Variants in TNFSF8 observed in about 807,000 individuals in gnomAD.
TNFSF8 encodes tumor necrosis factor ligand superfamily member 8.
TNFSF8 carries 4 observed loss-of-function variants against 22.0 expected under a neutral mutation model. The ratio of observed to expected loss-of-function variants is 0.18; its 90% confidence interval spans 0.09 to 0.42. The LOEUF is 0.42. Among genes scored for constraint, TNFSF8 ranks in the 10% least tolerant of loss-of-function variants. The pLI, the probability that TNFSF8 is intolerant of heterozygous loss-of-function variation, is 1.00. For missense variants in TNFSF8, 233 were observed against 281.8 expected (o/e 0.83, Z 1.24); for synonymous variants, 106 against 112.5 (o/e 0.94, Z 0.37).
At chr9:114,913,275 G>C (rs1014132417) in intron 2 of TNFSF8, among the ~76,000 whole-genome samples, 1 of 152,188 alleles carries the variant, frequency 6.6e-6, no homozygotes. Flanking sequence ...GGTGTTGGAG[G>C]CTACATTACA....
intron 2 of TNFSF8, among the ~76,000 whole-genome samples, chr9:114,910,282 G>A (rs927466428): frequency 2.6e-5 from 4 of 152,128 alleles, no homozygotes; most frequent in Admixed American, 6.5e-5. Flanking sequence ...TATTCTAGAA[G>A]GTCAAGATTA....
At chr9:114,918,752 C>G (rs1827950476) in intron 1 of TNFSF8, among the ~76,000 whole-genome samples, 2 of 152,212 alleles carry the variant, frequency 1.3e-5, no homozygotes, top group South Asian at 2.1e-4. Flanking sequence ...AGGCACCCAC[C>G]ACCACACCCA....
chr9:114,911,965 A>C (rs1247539056), intron 2 of TNFSF8, among the ~76,000 whole-genome samples: 2 of 152,340 alleles, frequency 1.3e-5, no homozygotes, highest in African/African-American at 4.8e-5. Context: ...TTTTGCTAAC[A>C]TTCTAATAAC....
At chr9:114,906,904 C>A (rs1827791733) in intron 2 of TNFSF8, among the ~76,000 whole-genome samples, 1 of 152,194 alleles carries the variant, frequency 6.6e-6, no homozygotes, top group Non-Finnish European at 1.5e-5. Flanking sequence ...ACTGGACAAT[C>A]TTTGACCTGA....
At chr9:114,895,999 A>G (rs1827651844) in intron 4 of TNFSF8, among the ~76,000 whole-genome samples, 1 of 152,256 alleles carries the variant, frequency 6.6e-6, no homozygotes, top group Non-Finnish European at 1.5e-5. Context: ...AATGAATACC[A>G]TCACGTTGAC....
intron 1 of TNFSF8, among the ~76,000 whole-genome samples, chr9:114,918,442 C>A (rs369379185): frequency 6.8e-6 from 1 of 146,976 alleles, no homozygotes; most frequent in African/African-American, 2.5e-5. Flanking sequence ...GATCAGGGAC[C>A]AGAGCTGGGA....
chr9:114,902,689 G>A lies in TNFSF8; in HGVS notation c.*1242C>T. On this transcript the variant is annotated 3_prime_UTR_variant, in exon 4 of 4. Coordinates refer to ENST00000223795, the MANE Select transcript of TNFSF8 (RefSeq NM_001244.4). ...TTCAATTATATACTGGGGTAGGGGG[G>A]CCTTATTTTGGTTGGAGAGCTTCCA... 1.0e-6 allele frequency: 1 copy of A among 985,392 alleles called. No individual in the cohort carries two copies. Among genetic ancestry groups the A allele is most frequent in the Non-Finnish European group, 1.2e-6 (1 of 829,926 alleles). The allele number at this position is 985,392 out of a possible 1,614,324, so 61.0% of individuals were successfully genotyped here. A position where few individuals can be genotyped will look rare whatever the true frequency, so the allele number is the denominator to read the frequency against.
chr9:114,907,977 T>TG (rs746213270), intron 2 of TNFSF8, among the ~76,000 whole-genome samples: 5 of 152,194 alleles, frequency 3.3e-5, no homozygotes, highest in Non-Finnish European at 5.9e-5. Flanking sequence ...TCCGGGAGTT[T>TG]GGGGCTTTGC....
intron 2 of TNFSF8, among the ~76,000 whole-genome samples, chr9:114,912,297 A>T (rs1424631289): frequency 1.3e-5 from 2 of 152,320 alleles, no homozygotes; most frequent in Admixed American, 1.3e-4. Flanking sequence ...GCCCTAGTCC[A>T]TGGTTTGTGC....
intron 2 of TNFSF8, among the ~76,000 whole-genome samples, chr9:114,909,155 G>A (rs1323972053): frequency 6.6e-6 from 1 of 152,238 alleles, no homozygotes; most frequent in African/African-American, 2.4e-5. Context: ...CTTATCAAGA[G>A]CTAGATGAAC....
intron 1 of TNFSF8, among the ~76,000 whole-genome samples, chr9:114,921,255 AG>A (rs1160158224): frequency 2.0e-5 from 3 of 152,202 alleles, no homozygotes; most frequent in African/African-American, 7.2e-5. Context: ...CCTATTTTGA[AG>A]AGCTCTTGGG....
chr9:114,895,758 T>C (rs1168673121), intron 4 of TNFSF8, among the ~76,000 whole-genome samples: 3 of 152,240 alleles, frequency 2.0e-5, no homozygotes, highest in Non-Finnish European at 4.4e-5. Context: ...TCAGCTCAGA[T>C]TGAAACTGGC....
chr9:114,906,495 G>A lies in TNFSF8; in HGVS notation c.239-596C>T, dbSNP rs188666726. 3.6e-4 allele frequency among the ~76,000 whole-genome samples: 55 copies of A among 152,276 alleles called. 1 individual carries two copies. The highest frequency in any genetic ancestry group is 1.9e-4 in the Non-Finnish European group (13 of 68,026). On this transcript the variant is annotated intron_variant, in intron 2 of 3. Coordinates refer to ENST00000223795, the MANE Select transcript of TNFSF8 (RefSeq NM_001244.4). ...ATGCCTAGAGGTGGTCAATACCATCGCCTAAGTTCAGACAAGTTTGTGTAA... is the reference window on the plus strand; with the variant it reads ...ATGCCTAGAGGTGGTCAATACCATCACCTAAGTTCAGACAAGTTTGTGTAA...
intron 1 of TNFSF8, among the ~76,000 whole-genome samples, chr9:114,927,348 C>G (rs1828076435): frequency 6.6e-6 from 1 of 152,010 alleles, no homozygotes; most frequent in Non-Finnish European, 1.5e-5. Context: ...CCTCCTTTGT[C>G]TCTCCCAAGG....
At chr9:114,909,032 C>T (rs796805716) in intron 2 of TNFSF8, among the ~76,000 whole-genome samples, 44 of 152,316 alleles carry the variant, frequency 2.9e-4, no homozygotes, top group African/African-American at 8.7e-4. Context: ...AATGGAAAGA[C>T]GTACACTAAA....
In TNFSF8 at chr9:114,901,986, C is replaced by T. The variant is rs1827721928; in HGVS notation, c.*1945G>A. The T allele has an allele frequency of 1.0e-6, 1 of 985,344 alleles. No individual in the cohort carries two copies. Among genetic ancestry groups the T allele is most frequent in the Non-Finnish European group, 1.2e-6 (1 of 829,916 alleles). 61.0% of individuals were successfully genotyped at this position (985,344 alleles called of 1,614,324 possible). Reference sequence around the variant, plus strand: ...GACAAACTTTGCTGGAGTCCTACTCCTTTTCTCTCCTTCTTGAGAAAAATG... The same window carrying T: ...GACAAACTTTGCTGGAGTCCTACTCTTTTTCTCTCCTTCTTGAGAAAAATG... On this transcript the variant is annotated 3_prime_UTR_variant, in exon 4 of 4. Transcript: ENST00000223795.
chr9:114,923,520 T>TTCTTTCTTTCTC (rs1564372355), intron 1 of TNFSF8, among the ~76,000 whole-genome samples: 6 of 68,798 alleles, frequency 8.7e-5, no homozygotes, highest in Non-Finnish European at 1.5e-4. Context: ...CTTTCTTTCT[T>TTCTTTCTTTCTC]TCTTTTTTTT....
At chr9:114,895,669 G>T (rs1827648807) in intron 4 of TNFSF8, among the ~76,000 whole-genome samples, 1 of 152,162 alleles carries the variant, frequency 6.6e-6, no homozygotes, top group South Asian at 2.1e-4. Flanking sequence ...TCTCCCAACA[G>T]CTTCCCATTG....
chr9:114,913,050 T>G (rs1248338527), intron 2 of TNFSF8, among the ~76,000 whole-genome samples: 1 of 152,228 alleles, frequency 6.6e-6, no homozygotes, highest in Non-Finnish European at 1.5e-5. Context: ...ACTTCTGATA[T>G]TTTAGAAAAC....
Sources: gnomAD v4.1 joint callset for allele counts (sites outside exome capture counted in the v4.1 genomes callset) on GRCh38, gnomAD v4.1.1 for gene constraint, MANE v1.5 for transcripts, NCBI Gene and HGNC (gene_info 2026-07-23, HGNC 2026-07-21) for gene names.